PRMT8: variants seen among roughly 807,000 people sequenced by gnomAD.
PRMT8 encodes protein arginine N-methyltransferase 8.
A neutral mutation model predicts 47.1 loss-of-function variants in PRMT8; 7 were observed. The ratio of observed to expected loss-of-function variants is 0.15; its 90% CI spans 0.08 to 0.28. PRMT8 has a LOEUF of 0.28. PRMT8 is among the 10% of genes least tolerant of loss of function. The probability of loss-of-function intolerance (pLI) is 1.00; values close to 1 mark genes in which losing one functional copy is unlikely to be tolerated. For synonymous variants in PRMT8, 188 were observed against 186.5 expected, an observed-to-expected ratio of 1.01 and a Z score of -0.07; for missense variants, 237 against 505.4, an observed-to-expected ratio of 0.47 and a Z score of 5.09.
At chr12:3,408,416 T>G (rs1050562345) in intron 1 of PRMT8, among the ~76,000 whole-genome samples, 1 of 152,064 alleles carries the variant, frequency 6.6e-6, no homozygotes, top group African/African-American at 2.4e-5. Flanking sequence ...AAAAAATTTT[T>G]TGTAGAAATG....
intron 1 of PRMT8, among the ~76,000 whole-genome samples, chr12:3,389,526 A>G (rs1426768741): frequency 6.6e-6 from 1 of 152,114 alleles, no homozygotes; most frequent in African/African-American, 2.4e-5. Flanking sequence ...TCCTCCTACC[A>G]TATGCCAGAT....
intron 1 of PRMT8, among the ~76,000 whole-genome samples, chr12:3,397,527 G>A (rs1012992267): frequency 1.3e-5 from 2 of 151,296 alleles, no homozygotes; most frequent in Non-Finnish European, 2.9e-5. Context: ...CTGCTCGGGG[G>A]TCAGGGGTCA....
intron 1 of PRMT8, among the ~76,000 whole-genome samples, chr12:3,400,024 G>A (rs1864301383): frequency 6.6e-6 from 1 of 152,112 alleles, no homozygotes; most frequent in Non-Finnish European, 1.5e-5. Flanking sequence ...CATCTAGGAG[G>A]AAATTTATAG....
At chr12:3,559,938 C>G (rs149684524) in intron 4 of PRMT8, among the ~76,000 whole-genome samples, 1 of 152,160 alleles carries the variant, frequency 6.6e-6, no homozygotes, top group South Asian at 2.1e-4. Context: ...TCTATGCTAC[C>G]GAGGCAAAGG....
intron 1 of PRMT8, among the ~76,000 whole-genome samples, chr12:3,452,657 G>A (rs150783787): frequency 3.9e-5 from 6 of 152,296 alleles, no homozygotes; most frequent in East Asian, 3.9e-4. Context: ...CCAGAAGCAC[G>A]TTGCTTTATC....
rs1866857295 is a variant in PRMT8, at chr12:3,572,148, A to G, written c.712+2584A>G. ...AGTGCAAGAATGAGGTCAGTGCAGA[A>G]CCTGCCCTCCATTTGCTCACCAATG... On this transcript the variant is annotated intron_variant, in intron 6 of 9. Coordinates refer to ENST00000382622, the MANE Select transcript of PRMT8 (RefSeq NM_019854.5). This position sits in a 1 kb window ranked among gnomAD's most constrained non-coding sequence, Gnocchi z 5.9. Among the ~76,000 whole-genome samples, 2 of 152,080 alleles carry G rather than the reference A, an allele frequency of 1.3e-5. No homozygotes were observed. The highest frequency in any genetic ancestry group is 1.3e-4 in the Admixed American group (2 of 15,266).
At chr12:3,443,456 T>A (rs1329041862) in intron 1 of PRMT8, among the ~76,000 whole-genome samples, 1 of 152,142 alleles carries the variant, frequency 6.6e-6, no homozygotes, top group Admixed American at 6.6e-5. Flanking sequence ...TTCTCCTGTC[T>A]AACTCACATC....
At chr12:3,567,533 C>T (rs1866742440) in intron 4 of PRMT8, among the ~76,000 whole-genome samples, 1 of 152,108 alleles carries the variant, frequency 6.6e-6, no homozygotes. Flanking sequence ...GGGGTGGGGG[C>T]CTTGAGAAGA....
intron 1 of PRMT8, among the ~76,000 whole-genome samples, chr12:3,539,703 C>T (rs975080050): frequency 1.3e-4 from 20 of 152,296 alleles, no homozygotes; most frequent in African/African-American, 4.6e-4. Flanking sequence ...CTCCGCCTAG[C>T]CTGTGGAGGA....
At chr12:3,422,093 G>A (rs1489134872) in intron 1 of PRMT8, among the ~76,000 whole-genome samples, 1 of 152,240 alleles carries the variant, frequency 6.6e-6, no homozygotes, top group Non-Finnish European at 1.5e-5. Flanking sequence ...ATGTCCACCT[G>A]AGTTATGGAG....
intron 1 of PRMT8, among the ~76,000 whole-genome samples, chr12:3,480,607 C>G (rs1865264502): frequency 6.6e-6 from 1 of 151,592 alleles, no homozygotes; most frequent in Non-Finnish European, 1.5e-5. Flanking sequence ...TGTGGCAGAG[C>G]TGGGACTAGA....
At position 3,572,341 on chromosome 12, in the gene PRMT8, A is replaced by G. The variant is rs1217124725; in HGVS notation, c.712+2777A>G. Reference sequence around the variant, plus strand: ...AGCAATCATTTTACACACATTTTCTACTATAAAGGAAATACACAGAATTTC... The same window carrying G: ...AGCAATCATTTTACACACATTTTCTGCTATAAAGGAAATACACAGAATTTC... On this transcript the variant is annotated intron_variant, in intron 6 of 9. Transcript: ENST00000382622. This position sits in a 1 kb window ranked among gnomAD's most constrained non-coding sequence, Gnocchi z 5.9. Among the ~76,000 whole-genome samples the G allele has an allele frequency of 6.6e-6, 1 of 152,200 alleles. No individual in the cohort carries two copies. The highest frequency in any genetic ancestry group is 1.5e-5 in the Non-Finnish European group (1 of 68,024).
intron 1 of PRMT8, among the ~76,000 whole-genome samples, chr12:3,385,192 T>A (rs1445214922): frequency 6.6e-6 from 1 of 152,210 alleles, no homozygotes; most frequent in East Asian, 1.9e-4. Flanking sequence ...ATCATTTTAC[T>A]TTTTATAACA....
At chr12:3,536,096 G>A (rs1866113309) in intron 1 of PRMT8, among the ~76,000 whole-genome samples, 1 of 152,216 alleles carries the variant, frequency 6.6e-6, no homozygotes, top group Admixed American at 6.5e-5. Flanking sequence ...AGGATCCATA[G>A]AATACCCATA....
chr12:3,514,416 G>A lies in PRMT8; in HGVS notation c.75+22716G>A, dbSNP rs375938624. ...GTGGCTGGCATTCGGGCTGCAAGAC[G>A]TGGTTTAGAGAGGGGTTGCTCACCC... On this transcript the variant is annotated intron_variant, in intron 1 of 9. Coordinates refer to ENST00000382622, the MANE Select transcript of PRMT8 (RefSeq NM_019854.5). This position sits in a 1 kb window ranked among gnomAD's most constrained non-coding sequence, Gnocchi z 5.9. 5.9e-5 allele frequency among the ~76,000 whole-genome samples: 9 copies of A among 152,212 alleles called. No homozygotes were observed. In the East Asian group the frequency reaches 9.7e-4, roughly 16 times the overall value.
At chr12:3,490,675 AAGAGAGAG>A (rs370069857), upstream of PRMT8, among the ~76,000 whole-genome samples, 10,591 of 121,010 alleles carry the variant, frequency 0.088, 521 homozygotes, top group Non-Finnish European at 0.11. Context: ...TTTGGGTACA[AAGAGAGAG>A]AGAGAGAGAG....
intron 1 of PRMT8, among the ~76,000 whole-genome samples, chr12:3,533,271 A>C (rs1176306843): frequency 6.6e-6 from 1 of 152,186 alleles, no homozygotes; most frequent in Non-Finnish European, 1.5e-5. Context: ...ACTGAAGAAT[A>C]AACCAGAGCA....
chr12:3,473,852 G>C (rs1865183371), intron 1 of PRMT8, among the ~76,000 whole-genome samples: 1 of 152,078 alleles, frequency 6.6e-6, no homozygotes, highest in African/African-American at 2.4e-5. Flanking sequence ...CTCATCCTGG[G>C]CAGTTCCTTC....
chr12:3,545,271 C>G (rs554530782), intron 2 of PRMT8, among the ~76,000 whole-genome samples: 12 of 152,288 alleles, frequency 7.9e-5, no homozygotes, highest in African/African-American at 2.9e-4. Context: ...TTTGAATGCT[C>G]TAGAGTCTGT....
Sources: allele counts gnomAD v4.1 joint callset (sites outside exome capture counted in the v4.1 genomes callset), GRCh38; gene constraint gnomAD v4.1.1; non-coding constraint Gnocchi (gnomAD v3.1); transcripts MANE v1.5; gene names NCBI Gene and HGNC (gene_info 2026-07-23, HGNC 2026-07-21).